The following SLC2A5 variants were observed in gnomAD, a reference collection of about 807,000 sequenced individuals.
The protein encoded by SLC2A5 is solute carrier family 2 member 5, also known as solute carrier family 2, facilitated glucose transporter member 5.
SLC2A5 carries 56 observed loss-of-function variants against 50.3 expected under a neutral mutation model. That is an observed-to-expected ratio of 1.11 (90% CI 0.90 to 1.39). The LOEUF (loss-of-function observed/expected upper bound fraction) is 1.39. Among genes scored for constraint, SLC2A5 ranks in the 40% most tolerant of loss-of-function variants. The pLI, the probability that SLC2A5 is intolerant of heterozygous loss-of-function variation, is 0.00. For missense variants in SLC2A5, 566 were observed against 650.1 expected, an observed-to-expected ratio of 0.87 and a Z score of 1.41; for synonymous variants, 269 against 281.9, an observed-to-expected ratio of 0.95 and a Z score of 0.46.
At chr1:9,049,665 T>C (rs1259382822) in intron 3 of SLC2A5, among the ~76,000 whole-genome samples, 2 of 146,778 alleles carry the variant, frequency 1.4e-5, no homozygotes. Flanking sequence ...ATGGCCCCAC[T>C]GCACCAGCCT....
Position 9,037,590 on chromosome 1 carries a change from T to C in SLC2A5, c.1502A>G (p.Gln501Arg), listed in dbSNP as rs776621257. 22 of 1,613,076 alleles carry C rather than the reference T, an allele frequency of 1.4e-5. No homozygotes were observed. Among genetic ancestry groups the C allele is most frequent in the East Asian group, 2.2e-5 (1 of 44,816 alleles). Residue 501 changes from glutamine (Q) to arginine (R), a missense_variant, in exon 12 of 12, where the codon CAG becomes CGG. Transcript: ENST00000377424. ...CCACTGGCTTCCTCTCCAGAGTCAC[T>C]GTTCCGAAGTGACAGGTGGAAGCTC... ...LKELPPVTSE[Q>R]
At chr1:9,056,478 C>T (rs542000522) in intron 3 of SLC2A5, among the ~76,000 whole-genome samples, 1 of 152,204 alleles carries the variant, frequency 6.6e-6, no homozygotes, top group African/African-American at 2.4e-5. Context: ...AGCCACTGCG[C>T]CCAGCTGTGT....
intron 1 of SLC2A5, among the ~76,000 whole-genome samples, chr1:9,067,965 G>A (rs572804516): frequency 5.9e-5 from 9 of 152,102 alleles, no homozygotes; most frequent in South Asian, 2.1e-4. Context: ...CGAGGCGGGC[G>A]GATCACCTGA....
At position 9,039,979 on chromosome 1, in the gene SLC2A5, T is replaced by A; in HGVS notation, c.706A>T (p.Thr236Ser). 4 of 1,608,910 alleles carry A rather than the reference T, an allele frequency of 2.5e-6. No individual in the cohort carries two copies. Among genetic ancestry groups the A allele is most frequent in the Non-Finnish European group, 3.4e-6 (4 of 1,176,926 alleles). Residue 236 changes from threonine (T) to serine (S), a missense_variant, in exon 7 of 12, where the codon ACG becomes TCG. Transcript: ENST00000377424. ...DEAAAKKALQ[T>S]LRGWDSVDRE... The stretch of plus-strand genomic sequence containing the variant: ...TCCACAGAGTCCCAGCCGCGCAGCG[T>A]CTGTAGGGCTGGGGAGAAGCGGCAC...
At chr1:9,067,964 C>T (rs557750841) in intron 1 of SLC2A5, among the ~76,000 whole-genome samples, 50 of 151,882 alleles carry the variant, frequency 3.3e-4, no homozygotes, top group Middle Eastern at 3.4e-3. Flanking sequence ...CCGAGGCGGG[C>T]GGATCACCTG....
At chr1:9,041,491 C>G in intron 5 of SLC2A5, 2 of 1,313,784 alleles carry the variant, frequency 1.5e-6, no homozygotes, top group South Asian at 2.6e-5. Context: ...TGCTATGCCA[C>G]GGGCCTCCAT....
At chr1:9,089,357 T>C (rs74051037), upstream of SLC2A5, among the ~76,000 whole-genome samples, 1,960 of 152,272 alleles carry the variant, frequency 0.013, 35 homozygotes, top group African/African-American at 0.044. Flanking sequence ...ACATACCAAT[T>C]TGGACCCAGA....
chr1:9,090,858 A>G (rs1162114248), upstream of SLC2A5, among the ~76,000 whole-genome samples: 2 of 152,334 alleles, frequency 1.3e-5, no homozygotes, highest in African/African-American at 4.8e-5. Context: ...CAATATGTGG[A>G]CAATTTACTC....
intron 1 of SLC2A5, among the ~76,000 whole-genome samples, chr1:9,086,339 A>G (rs1642401394): frequency 6.6e-6 from 1 of 152,006 alleles, no homozygotes; most frequent in Non-Finnish European, 1.5e-5. Flanking sequence ...TTACCACTCA[A>G]ATTAATCTCC....
chr1:9,037,502 T>C lies in SLC2A5; in HGVS notation c.*84A>G. 1 of 1,126,464 alleles carries C rather than the reference T, an allele frequency of 8.9e-7. No individual in the cohort carries two copies. The highest frequency in any genetic ancestry group is 1.3e-6 in the Non-Finnish European group (1 of 750,208). 69.8% of individuals were successfully genotyped at this position (1,126,464 alleles called of 1,614,324 possible). On this transcript the variant is annotated 3_prime_UTR_variant, in exon 12 of 12. Transcript: ENST00000377424. ...ACATCAGAGTTGTTTTATTTCTGGA[T>C]ATTCACAGACAGCTAGAAGTCAGAA...
At chr1:9,044,839 G>A (rs1007581419) in intron 4 of SLC2A5, among the ~76,000 whole-genome samples, 1 of 152,170 alleles carries the variant, frequency 6.6e-6, no homozygotes, top group African/African-American at 2.4e-5. Flanking sequence ...ACAGGCATGA[G>A]CCACTGCACC....
At chr1:9,038,392 G>A (rs1641192778) in intron 10 of SLC2A5, 39 bp downstream of exon 10, 2 of 1,470,694 alleles carry the variant, frequency 1.4e-6, no homozygotes, top group Non-Finnish European at 1.9e-6. Flanking sequence ...TGGGACCAGG[G>A]GGGGTTGTGA....
chr1:9,038,436 C>T lies in SLC2A5; in HGVS notation c.1169G>A (p.Gly390Glu). The change falls in exon 10 of 12, where the codon GGG becomes GAG. Residue 390 changes from glycine (G) to glutamate (E), a missense_variant. Gly to Glu is a moderately conservative substitution (Grantham distance 98). Coordinates refer to ENST00000377424, the MANE Select transcript of SLC2A5 (RefSeq NM_003039.3). Reference sequence around the variant, plus strand: ...GGCCAGCTTTGGGTACGTACTGGGCCCGAGGGCATGTCCTATGACGTAGGA... The same window carrying T: ...GGCCAGCTTTGGGTACGTACTGGGCTCGAGGGCATGTCCTATGACGTAGGA... ...VISYVIGHAL[G>E]PSPIPALLIT... 1.9e-6 allele frequency: 3 copies of T among 1,612,820 alleles called. No individual in the cohort carries two copies. The highest frequency in any genetic ancestry group is 2.5e-6 in the Non-Finnish European group (3 of 1,179,056).
intron 1 of SLC2A5, among the ~76,000 whole-genome samples, chr1:9,086,867 C>T (rs1004341489): frequency 6.6e-6 from 1 of 152,100 alleles, no homozygotes; most frequent in Non-Finnish European, 1.5e-5. Flanking sequence ...ATTAAAAAAC[C>T]CCTAAATCCA....
chr1:9,066,339 G>A (rs1011235840), intron 1 of SLC2A5, among the ~76,000 whole-genome samples: 1 of 151,926 alleles, frequency 6.6e-6, no homozygotes, highest in Non-Finnish European at 1.5e-5. Flanking sequence ...AGGCTCAGGC[G>A]ATCCTCCCAC....
chr1:9,057,740 G>A, intron 2 of SLC2A5, 132 bp from the exon 3 acceptor site: 1 of 749,226 alleles, frequency 1.3e-6, no homozygotes, highest in Non-Finnish European at 2.2e-6. Context: ...GGGGTGATGG[G>A]AGGCAGGACA....
At chr1:9,082,927 AG>A (rs568078235) in intron 2 of SLC2A5, 85 of 223,588 alleles carry the variant, frequency 3.8e-4, no homozygotes, top group South Asian at 3.6e-3. Flanking sequence ...GGCTGGGGGC[AG>A]GGGGAATGAG....
intron 2 of SLC2A5, 55 bp downstream of exon 2, chr1:9,058,097 G>T: frequency 7.4e-7 from 1 of 1,356,442 alleles, no homozygotes; most frequent in Non-Finnish European, 1.1e-6. Context: ...GTCCCACCCA[G>T]GCAATGGGCT....
intron 2 of SLC2A5, among the ~76,000 whole-genome samples, chr1:9,075,427 AC>A: frequency 6.6e-6 from 1 of 152,204 alleles, no homozygotes; most frequent in East Asian, 1.9e-4. Flanking sequence ...TTCTGCTGAT[AC>A]CGCCCGTTGC....
Sources: gnomAD v4.1 joint callset for allele counts (sites outside exome capture counted in the v4.1 genomes callset) on GRCh38, gnomAD v4.1.1 for gene constraint, MANE v1.5 for transcripts, NCBI Gene and HGNC (gene_info 2026-07-23, HGNC 2026-07-21) for gene names.